The following RYR2 variants were observed in gnomAD, a reference collection of about 807,000 sequenced individuals.
The protein encoded by RYR2 is ryanodine receptor 2, also known as cardiac muscle ryanodine receptor-calcium release channel.
In RYR2, 227 loss-of-function variants were observed where a neutral mutation model predicts 601.1. That is an observed-to-expected ratio of 0.38 (90% confidence interval 0.34 to 0.42). The LOEUF (loss-of-function observed/expected upper bound fraction) is 0.42, where lower values mean the gene tolerates loss of function less well. Among genes scored for constraint, RYR2 ranks in the 10% least tolerant of loss-of-function variants. The probability of loss-of-function intolerance (pLI) is 1.00; values close to 1 mark genes in which losing one functional copy is unlikely to be tolerated. For synonymous variants in RYR2, 2,223 were observed against 2,175.1 expected, an observed-to-expected ratio of 1.02 and a Z score of -0.61; for missense variants, 4,646 against 6,156.5, an observed-to-expected ratio of 0.75 and a Z score of 8.21.
chr1:237,108,631 G>C (rs544662525), intron 1 of RYR2, among the ~76,000 whole-genome samples: 231 of 152,328 alleles, frequency 1.5e-3, no homozygotes, highest in African/African-American at 5.2e-3. Flanking sequence ...AAGTAGAGAG[G>C]GCTGAGAGAG....
At chr1:237,341,542 C>G (rs770502477) in intron 3 of RYR2, 2 of 448,094 alleles carry the variant, frequency 4.5e-6, no homozygotes, top group Non-Finnish European at 9.1e-6. Context: ...TATTGCCTTC[C>G]TATCCCCATT....
Position 237,801,900 on chromosome 1 carries a change from T to G in RYR2, c.14135T>G (p.Val4712Gly). The G allele has an allele frequency of 6.2e-7, 1 of 1,600,134 alleles. No homozygotes were observed. The highest frequency in any genetic ancestry group is 8.5e-7 in the Non-Finnish European group (1 of 1,170,022). The change falls in exon 98 of 105, where the codon GTC (valine) becomes GGC (glycine). Residue 4712 changes from valine to glycine, a missense_variant. By Grantham distance (109) the Val-to-Gly change is moderately radical. Coordinates refer to ENST00000366574, the MANE Select transcript of RYR2 (RefSeq NM_001035.3). ...DVKYQMWKLG[V>G]VFTDNSFLYL... ...AAGTATCAGATGTGGAAACTAGGAG[T>G]CGTTTTCACTGACAACGTAAGCCTA...
At chr1:237,508,440 T>G (rs1665488424) in intron 23 of RYR2, among the ~76,000 whole-genome samples, 1 of 147,040 alleles carries the variant, frequency 6.8e-6, no homozygotes, top group Admixed American at 6.9e-5. Flanking sequence ...GCCAGGAAGA[T>G]TTTTTAAAAA....
intron 1 of RYR2, among the ~76,000 whole-genome samples, chr1:237,045,881 T>TG (rs1660531020): frequency 6.8e-6 from 1 of 147,376 alleles, no homozygotes. Context: ...TTTTTTTTTT[T>TG]TTTTTTTTTT....
chr1:237,341,028 C>T (rs755196006), intron 3 of RYR2, among the ~76,000 whole-genome samples: 6 of 152,268 alleles, frequency 3.9e-5, no homozygotes, highest in South Asian at 2.1e-4. Flanking sequence ...ATTTGAATGA[C>T]GTGGTTTCCA....
At chr1:237,733,478 C>G (rs1690870366) in intron 78 of RYR2, among the ~76,000 whole-genome samples, 1 of 152,122 alleles carries the variant, frequency 6.6e-6, no homozygotes, top group South Asian at 2.1e-4. Flanking sequence ...ATTGAAGGCC[C>G]TTCTGTAAGG....
intron 3 of RYR2, among the ~76,000 whole-genome samples, chr1:237,338,083 C>A (rs1215061894): frequency 1.3e-5 from 2 of 152,108 alleles, no homozygotes; most frequent in Non-Finnish European, 2.9e-5. Context: ...CATGTCACAT[C>A]GTCACAGGTG....
intron 1 of RYR2, among the ~76,000 whole-genome samples, chr1:237,061,339 A>G (rs1662870196): frequency 6.7e-6 from 1 of 148,396 alleles, no homozygotes; most frequent in African/African-American, 2.5e-5. Flanking sequence ...ATCTCTCTAG[A>G]CAGAGTCTCA....
At chr1:237,190,048 T>TTTTTAA (rs1679803824) in intron 1 of RYR2, among the ~76,000 whole-genome samples, 1 of 151,908 alleles carries the variant, frequency 6.6e-6, no homozygotes, top group Non-Finnish European at 1.5e-5. Context: ...AATTTATTTA[T>TTTTTAA]TTTTTATTTT....
At chr1:237,551,759 G>GA (rs2148122633) in intron 27 of RYR2, among the ~76,000 whole-genome samples, 1 of 152,206 alleles carries the variant, frequency 6.6e-6, no homozygotes, top group African/African-American at 2.4e-5. Flanking sequence ...CATAAAAGTG[G>GA]ATCTTAAATA....
Position 237,788,144 on chromosome 1 carries a change from T to C in RYR2, c.13476+9T>C, listed in dbSNP as rs371378965. The C allele has an allele frequency of 6.2e-7, 1 of 1,601,484 alleles. No individual in the cohort carries two copies. The highest frequency in any genetic ancestry group is 1.3e-5 in the African/African-American group (1 of 74,454). On this transcript the variant is annotated intron_variant, in intron 92 of 104. Transcript: ENST00000366574. The stretch of plus-strand genomic sequence containing the variant: ...ATCAACAGAAACTTCTAGTAAGATG[T>C]TTTAGAATGAATATTGTTACTGATA...
At chr1:237,248,225 T>TCA (rs200053655) in intron 1 of RYR2, among the ~76,000 whole-genome samples, 1,257 of 124,856 alleles carry the variant, frequency 0.01, 22 homozygotes, top group African/African-American at 0.036. Flanking sequence ...TGAGCCGAGA[T>TCA]CACACCACTG....
intron 84 of RYR2, among the ~76,000 whole-genome samples, chr1:237,766,601 G>A (rs1055284280): frequency 2.4e-4 from 36 of 152,274 alleles, no homozygotes; most frequent in Non-Finnish European, 4.3e-4. Flanking sequence ...TCTCAAGGCA[G>A]GGAGATCAGT....
At chr1:237,568,713 A>C (rs900976060) in intron 28 of RYR2, among the ~76,000 whole-genome samples, 1 of 152,202 alleles carries the variant, frequency 6.6e-6, no homozygotes, top group South Asian at 2.1e-4. Flanking sequence ...ATCATTTTCA[A>C]TGACAGATGC....
At chr1:237,507,006 T>A (rs1665336056) in intron 23 of RYR2, among the ~76,000 whole-genome samples, 192 bp downstream of exon 23, 1 of 152,342 alleles carries the variant, frequency 6.6e-6, no homozygotes, top group Admixed American at 6.5e-5. Flanking sequence ...CAGGCATTAT[T>A]GGCAGGTTCA....
At chr1:237,447,930 C>T (rs12240206) in intron 14 of RYR2, among the ~76,000 whole-genome samples, 9,793 of 148,594 alleles carry the variant, frequency 0.066, 915 homozygotes, top group African/African-American at 0.21. Context: ...TTTCCTCCCT[C>T]CCCTCTCCCC....
intron 1 of RYR2, among the ~76,000 whole-genome samples, chr1:237,177,315 A>G (rs912696524): frequency 1.3e-5 from 2 of 152,224 alleles, no homozygotes; most frequent in Non-Finnish European, 2.9e-5. Context: ...AGATATGTAA[A>G]TTATGAAAGC....
chr1:237,157,318 A>AG (rs1321803491), intron 1 of RYR2, among the ~76,000 whole-genome samples: 3 of 140,696 alleles, frequency 2.1e-5, no homozygotes, highest in Non-Finnish European at 3.1e-5. Flanking sequence ...AAAAAAAAAA[A>AG]AAAGAAAGAA....
chr1:237,622,337 G>T (rs1212013110), intron 38 of RYR2, among the ~76,000 whole-genome samples: 1 of 152,090 alleles, frequency 6.6e-6, no homozygotes, highest in Non-Finnish European at 1.5e-5. Context: ...TCAAAACCCA[G>T]AATACTCCAA....
Sources: gnomAD v4.1 joint callset for allele counts (sites outside exome capture counted in the v4.1 genomes callset) on GRCh38, gnomAD v4.1.1 for gene constraint, MANE v1.5 for transcripts, NCBI Gene and HGNC (gene_info 2026-07-23, HGNC 2026-07-21) for gene names.